Variants in EFHC1 observed in about 807,000 individuals in gnomAD.
EFHC1 encodes EF-hand domain-containing protein 1.
EFHC1 carries 53 observed loss-of-function variants against 69.9 expected under a neutral mutation model. The observed-to-expected ratio is 0.76, with a 90% CI of 0.61 to 0.95. EFHC1 has a LOEUF of 0.95. Among genes scored for constraint, EFHC1 ranks in the 40% least tolerant of loss-of-function variants. The pLI, the probability that EFHC1 is intolerant of heterozygous loss-of-function variation, is 0.00. For missense variants in EFHC1, 739 were observed against 798.7 expected, an observed-to-expected ratio of 0.93 and a Z score of 0.90; for synonymous variants, 256 against 278.4, an observed-to-expected ratio of 0.92 and a Z score of 0.80.
At chr6:52,434,420 T>C (rs2113975585) in intron 2 of EFHC1, among the ~76,000 whole-genome samples, 1 of 152,250 alleles carries the variant, frequency 6.6e-6, no homozygotes. Flanking sequence ...CCAGGTAAGG[T>C]CAGAATCTTC....
intron 9 of EFHC1, chr6:52,486,920 T>A (rs759374808): frequency 7.9e-5 from 12 of 152,232 alleles, no homozygotes; most frequent in Non-Finnish European, 1.3e-4. Context: ...AACAGATATT[T>A]GAGCTTATAC....
intron 4 of EFHC1, 71 bp from the exon 5 acceptor site, chr6:52,454,024 A>G (rs1234471377): frequency 1.4e-5 from 23 of 1,609,554 alleles, no homozygotes; most frequent in Non-Finnish European, 1.9e-5. Context: ...GTTGATACAT[A>G]ATTGCCAAAG....
chr6:52,451,266 T>C (rs1361000366), intron 3 of EFHC1, among the ~76,000 whole-genome samples: 1 of 152,236 alleles, frequency 6.6e-6, no homozygotes, highest in Non-Finnish European at 1.5e-5. Context: ...TTGTATTGGC[T>C]GGTAATGGCC....
intron 6 of EFHC1, among the ~76,000 whole-genome samples, chr6:52,467,538 C>G (rs1019725295): frequency 1.3e-5 from 2 of 152,108 alleles, no homozygotes; most frequent in African/African-American, 4.8e-5. Flanking sequence ...TGTTCCCCAT[C>G]CTTATTACTA....
At position 52,479,081 on chromosome 6, in the gene EFHC1, T is replaced by C. The variant is rs772852573; in HGVS notation, c.1323T>C (p.Ser441=). The part of the protein sequence containing the change: ...PEDKDRRFVF[S]YFLATDMISI... The stretch of plus-strand genomic sequence containing the variant: ...ACAAAGACCGCAGATTTGTCTTCTC[T>C]TACTTTCTAGCTACCGACATGATCA... Residue 441 remains serine, a synonymous_variant, in exon 8 of 11, where the codon TCT becomes TCC. Transcript: ENST00000371068. The C allele has an allele frequency of 9.9e-6, 16 of 1,614,048 alleles. No homozygotes were observed. The highest frequency in any genetic ancestry group is 1.4e-5 in the Non-Finnish European group (16 of 1,180,018).
At chr6:52,476,098 G>T (rs909695196) in intron 7 of EFHC1, among the ~76,000 whole-genome samples, 1 of 152,070 alleles carries the variant, frequency 6.6e-6, no homozygotes, top group African/African-American at 2.4e-5. Flanking sequence ...GAAATGACAG[G>T]TCGGGGGCCA....
chr6:52,439,230 T>C (rs988048605), intron 3 of EFHC1, among the ~76,000 whole-genome samples: 2 of 152,138 alleles, frequency 1.3e-5, no homozygotes, highest in Non-Finnish European at 2.9e-5. Context: ...AATTAGGAAG[T>C]CAATTCCAAA....
intron 5 of EFHC1, among the ~76,000 whole-genome samples, chr6:52,464,095 A>G (rs1326233643): frequency 1.3e-5 from 2 of 152,218 alleles, no homozygotes; most frequent in Non-Finnish European, 2.9e-5. Flanking sequence ...GTGGCACTCT[A>G]CTAGAACTGA....
intron 2 of EFHC1, among the ~76,000 whole-genome samples, chr6:52,433,711 C>T (rs1294467262): frequency 2.0e-5 from 3 of 152,144 alleles, no homozygotes; most frequent in African/African-American, 7.2e-5. Context: ...ATGGGGGGAA[C>T]AGGCAGTGGG....
rs1440739853 is a variant in EFHC1, at chr6:52,469,494, C to T, written c.1278+21C>T. ...TACTGGTGAGGCTAATTTTTATATA[C>T]TAAAGATTCTCTTCTATCTCAGTAC... On this transcript the variant is annotated intron_variant, in intron 7 of 10. Coordinates refer to ENST00000371068, the MANE Select transcript of EFHC1 (RefSeq NM_018100.4). The T allele has an allele frequency of 4.3e-6, 7 of 1,612,596 alleles. No homozygotes were observed. In the East Asian group the frequency reaches 8.9e-5, roughly 21 times the overall value.
intron 2 of EFHC1, chr6:52,437,532 G>C (rs1764559923): frequency 6.6e-6 from 1 of 152,224 alleles, no homozygotes; most frequent in African/African-American, 2.4e-5. Context: ...AGATTGAGTG[G>C]TTTAAATAAT....
At chr6:52,423,797 T>C in intron 1 of EFHC1, 149 bp from the exon 2 acceptor site, 1 of 1,532,562 alleles carries the variant, frequency 6.5e-7, no homozygotes, top group Non-Finnish European at 8.7e-7. Flanking sequence ...CGAGCCACCA[T>C]GCCCAGCCTT....
In EFHC1 at chr6:52,494,922, A is replaced by G. The variant is rs551456602; in HGVS notation, c.*2581A>G. 1 of 451,400 alleles carries G rather than the reference A, an allele frequency of 2.2e-6. No individual in the cohort carries two copies. Among genetic ancestry groups the G allele is most frequent in the South Asian group, 1.6e-5 (1 of 64,328 alleles). The allele number at this position is 451,400 out of a possible 1,614,324, so 28.0% of individuals were successfully genotyped here. On this transcript the variant is annotated 3_prime_UTR_variant, in exon 11 of 11. Transcript: ENST00000371068. ...GTATTCCATGGTGTAGATATACTTC[A>G]TTTAAAAAATCTAATCCACCATTGA...
At chr6:52,465,779 C>T (rs993720622) in intron 6 of EFHC1, among the ~76,000 whole-genome samples, 2 of 150,090 alleles carry the variant, frequency 1.3e-5, no homozygotes, top group Admixed American at 1.3e-4. Flanking sequence ...TGCACTCCAG[C>T]CTGGGCAACA....
chr6:52,431,098 T>G (rs1349275867), intron 2 of EFHC1, among the ~76,000 whole-genome samples: 1 of 152,196 alleles, frequency 6.6e-6, no homozygotes, highest in Admixed American at 6.5e-5. Flanking sequence ...CTTTTCTTGG[T>G]TAATCTTGCT....
intron 5 of EFHC1, among the ~76,000 whole-genome samples, chr6:52,459,581 G>A (rs1047382766): frequency 1.3e-5 from 2 of 152,242 alleles, no homozygotes; most frequent in Non-Finnish European, 2.9e-5. Context: ...AGGATGTGAA[G>A]CAGCTGAAAA....
intron 1 of EFHC1, chr6:52,420,910 AC>A (rs369406500): frequency 2.5e-5 from 14 of 556,884 alleles, no homozygotes; most frequent in Admixed American, 8.2e-5. Flanking sequence ...CGCCCTTAAA[AC>A]CCCCCGCCAC....
At chr6:52,423,681 T>TTG in intron 1 of EFHC1, 2 of 433,990 alleles carry the variant, frequency 4.6e-6, no homozygotes, top group Non-Finnish European at 7.9e-6. Context: ...TTTTTTTTTT[T>TTG]TTTAGTTTTT....
At chr6:52,423,777 A>T (rs1249158375) in intron 1 of EFHC1, 169 bp from the exon 2 acceptor site, 2 of 1,516,218 alleles carry the variant, frequency 1.3e-6, no homozygotes, top group Admixed American at 4.0e-5. Context: ...GAGTTCTGGG[A>T]TTATAGGCAC....
Sources: allele counts gnomAD v4.1 joint callset (sites outside exome capture counted in the v4.1 genomes callset), GRCh38; gene constraint gnomAD v4.1.1; transcripts MANE v1.5; gene names NCBI Gene and HGNC (gene_info 2026-07-23, HGNC 2026-07-21).